The following SPECC1 variants were observed in gnomAD, a reference collection of about 807,000 sequenced individuals.
The protein encoded by SPECC1 is sperm antigen with calponin homology and coiled-coil domains 1.
In SPECC1, 62 loss-of-function variants were observed where a neutral mutation model predicts 104.1. The observed-to-expected ratio is 0.60, with a 90% CI of 0.49 to 0.74. SPECC1 has a LOEUF of 0.74. Ranked by LOEUF, SPECC1 falls within the 30% of genes least tolerant of loss-of-function variation. The probability of loss-of-function intolerance (pLI) is 0.00; values close to 1 mark genes in which losing one functional copy is unlikely to be tolerated. For missense variants in SPECC1, 1,306 were observed against 1,310.5 expected, an observed-to-expected ratio of 1.00 and a Z score of 0.05; for synonymous variants, 513 against 501.6, an observed-to-expected ratio of 1.02 and a Z score of -0.30.
chr17:20,022,375 G>A (rs934388038), intron 1 of SPECC1, among the ~76,000 whole-genome samples: 2 of 152,090 alleles, frequency 1.3e-5, no homozygotes, highest in African/African-American at 4.8e-5. Flanking sequence ...GTTTCAACTG[G>A]AATCCAATAT....
intron 1 of SPECC1, among the ~76,000 whole-genome samples, chr17:20,015,324 T>C (rs2044077337): frequency 6.6e-6 from 1 of 150,564 alleles, no homozygotes; most frequent in Non-Finnish European, 1.5e-5. Context: ...AGACAGAGTA[T>C]TGCTGTGTTG....
intron 1 of SPECC1, among the ~76,000 whole-genome samples, chr17:20,094,549 TGTG>T (rs1359889884): frequency 2.0e-5 from 3 of 152,134 alleles, no homozygotes; most frequent in Non-Finnish European, 2.9e-5. Flanking sequence ...TTTGTGGTGG[TGTG>T]GTGGTGGGCA....
chr17:20,063,908 T>A (rs2046275079), intron 1 of SPECC1, among the ~76,000 whole-genome samples: 1 of 152,228 alleles, frequency 6.6e-6, no homozygotes. Flanking sequence ...AGAAGACAGT[T>A]GGAAATGAAT....
At chr17:20,048,136 C>CTTTTT (rs543097038) in intron 1 of SPECC1, among the ~76,000 whole-genome samples, 1 of 139,902 alleles carries the variant, frequency 7.1e-6, no homozygotes, top group South Asian at 2.3e-4. Flanking sequence ...AGAAATGAGT[C>CTTTTT]TTTTTTTTTT....
At chr17:20,161,452 G>A (rs2033135999) in intron 3 of SPECC1, among the ~76,000 whole-genome samples, 2 of 151,974 alleles carry the variant, frequency 1.3e-5, no homozygotes, top group South Asian at 4.1e-4. Context: ...TAAGTCTTCT[G>A]TGCATCATTT....
chr17:20,174,861 T>G (rs1369110341), intron 3 of SPECC1, among the ~76,000 whole-genome samples: 2 of 152,108 alleles, frequency 1.3e-5, no homozygotes, highest in Non-Finnish European at 2.9e-5. Context: ...CAGGGCCTGC[T>G]TCCTGGCACC....
At chr17:20,285,926 G>T (rs760346308) in intron 12 of SPECC1, among the ~76,000 whole-genome samples, 1 of 151,430 alleles carries the variant, frequency 6.6e-6, no homozygotes, top group Admixed American at 6.6e-5. Context: ...TGATTCTCCT[G>T]CCTCAGCCTT....
At chr17:20,103,863 G>A (rs2048058629) in intron 2 of SPECC1, among the ~76,000 whole-genome samples, 1 of 152,176 alleles carries the variant, frequency 6.6e-6, no homozygotes, top group Non-Finnish European at 1.5e-5. Context: ...CATACTAGGT[G>A]TTCCCATATT....
At chr17:20,305,920 T>G in intron 13 of SPECC1, 103 bp from the exon 14 acceptor site, 1 of 1,009,134 alleles carries the variant, frequency 9.9e-7, no homozygotes, top group Non-Finnish European at 1.5e-6. Context: ...CTTCGCTTTA[T>G]AATAGTGAAT....
At chr17:20,288,633 T>G (rs534492497) in intron 12 of SPECC1, among the ~76,000 whole-genome samples, 1 of 152,312 alleles carries the variant, frequency 6.6e-6, no homozygotes, top group African/African-American at 2.4e-5. Context: ...TTTTCTTTTT[T>G]GAGACGGTAT....
intron 12 of SPECC1, among the ~76,000 whole-genome samples, chr17:20,294,864 A>T (rs2041295202): frequency 6.6e-6 from 1 of 152,162 alleles, no homozygotes; most frequent in Non-Finnish European, 1.5e-5. Context: ...TACTGTTTTG[A>T]GCACTGAAGG....
chr17:20,257,313 A>C, intron 10 of SPECC1, 138 bp from the exon 11 acceptor site: 1 of 1,028,808 alleles, frequency 9.7e-7, no homozygotes, highest in East Asian at 2.7e-5. Context: ...TCCCTATTGC[A>C]TTTTTATTAC....
chr17:20,124,236 G>A (rs1297931223), intron 3 of SPECC1, among the ~76,000 whole-genome samples: 1 of 152,216 alleles, frequency 6.6e-6, no homozygotes, highest in Non-Finnish European at 1.5e-5. Flanking sequence ...TCTGTTTACA[G>A]TGGGGAGGGG....
chr17:20,076,130 A>G (rs953726407), intron 1 of SPECC1, among the ~76,000 whole-genome samples: 3 of 152,004 alleles, frequency 2.0e-5, no homozygotes, highest in Non-Finnish European at 4.4e-5. Flanking sequence ...AAAATTATAT[A>G]TTTCTTTCTA....
At chr17:20,100,463 A>G (rs535528357) in intron 2 of SPECC1, among the ~76,000 whole-genome samples, 8 of 152,202 alleles carry the variant, frequency 5.3e-5, no homozygotes, top group Non-Finnish European at 1.0e-4. Flanking sequence ...CTACAGTAGT[A>G]CAGGGGATCC....
intron 1 of SPECC1, among the ~76,000 whole-genome samples, chr17:20,037,550 G>A (rs2152449632): frequency 6.6e-6 from 1 of 151,742 alleles, no homozygotes; most frequent in East Asian, 1.9e-4. Context: ...TGTGTCAAGA[G>A]TAGCTGTCCT....
Position 20,268,213 on chromosome 17 carries a change from C to G in SPECC1, c.2940+7919C>G, listed in dbSNP as rs80140414. Among the ~76,000 whole-genome samples the G allele has an allele frequency of 3.0e-3, 456 of 151,960 alleles. 19 individuals carry two copies. In the East Asian group the frequency reaches 0.085, roughly 28 times the overall value. On this transcript the variant is annotated intron_variant, in intron 12 of 14. Transcript: ENST00000395527. ...GCAAGAATTCAGATAGCAGGCGACA[C>G]CTACACTATCATTAAGGGACAGATG...
chr17:20,190,411 C>G (rs1232215387), intron 3 of SPECC1, among the ~76,000 whole-genome samples: 1 of 152,014 alleles, frequency 6.6e-6, no homozygotes. Context: ...CCCTGCTGCC[C>G]TACCCCTTCC....
chr17:20,114,185 CTTTTTG>C (rs1322421814), intron 3 of SPECC1, among the ~76,000 whole-genome samples: 2 of 152,030 alleles, frequency 1.3e-5, no homozygotes, highest in African/African-American at 2.4e-5. Flanking sequence ...ACATTTTTTA[CTTTTTG>C]TTTTTGTTTT....
Sources: allele counts gnomAD v4.1 joint callset (sites outside exome capture counted in the v4.1 genomes callset), GRCh38; gene constraint gnomAD v4.1.1; transcripts MANE v1.5; gene names NCBI Gene and HGNC (gene_info 2026-07-23, HGNC 2026-07-21).